Variants in HAND1 observed in about 807,000 individuals in gnomAD.
HAND1 encodes the protein heart- and neural crest derivatives-expressed protein 1.
Under a neutral mutation model 14.5 loss-of-function variants are expected in HAND1, and 10 were observed. The ratio of observed to expected loss-of-function variants is 0.69; its 90% confidence interval spans 0.42 to 1.17. The LOEUF is 1.17. Ranked by LOEUF, HAND1 falls within the 50% of genes most tolerant of loss-of-function variation. The pLI is 0.00. For synonymous variants in HAND1, 128 were observed against 127.1 expected (o/e 1.01, Z -0.05); for missense variants, 299 against 298.4 (o/e 1.00, Z -0.01).
Position 154,477,759 on chromosome 5 carries a change from G to T in HAND1, c.250C>A (p.Arg84=), listed in dbSNP as rs1167066563. 4 of 1,609,594 alleles carry T rather than the reference G, an allele frequency of 2.5e-6. No individual in the cohort carries two copies. The highest frequency in any genetic ancestry group is 1.7e-6 in the Non-Finnish European group (2 of 1,179,112). The stretch of plus-strand genomic sequence containing the variant: ...AGACGGCCGCCAAGCGCCTCCAGCC[G>T]CCCGGGGCTCTGCCCAGGCCTGGCG... ...PDARPGQSPG[R]LEALGGRLGR... Residue 84 remains arginine (R), a synonymous_variant, in exon 1 of 2, where the codon CGG becomes AGG. Transcript: ENST00000231121.
Position 154,475,482 on chromosome 5 carries a change from G to C in HAND1, c.*324C>G, listed in dbSNP as rs879098452. On this transcript the variant is annotated 3_prime_UTR_variant, in exon 2 of 2. Coordinates refer to ENST00000231121, the MANE Select transcript of HAND1 (RefSeq NM_004821.3). ...TGAGGTTCTAAATTCGCTCCAAAAGGGTGGAAGAGTGCGTCTTTGAGCCCT... is the reference window on the plus strand; with the variant it reads ...TGAGGTTCTAAATTCGCTCCAAAAGCGTGGAAGAGTGCGTCTTTGAGCCCT... 1 of 399,772 alleles carries C rather than the reference G, an allele frequency of 2.5e-6. No individual in the cohort carries two copies. The highest frequency in any genetic ancestry group is 2.4e-5 in the South Asian group (1 of 42,216). 24.8% of individuals were successfully genotyped at this position (399,772 alleles called of 1,614,324 possible).
intron 1 of HAND1, among the ~76,000 whole-genome samples, chr5:154,476,211 G>A (rs750517025): frequency 4.6e-5 from 7 of 152,148 alleles, no homozygotes; most frequent in Non-Finnish European, 8.8e-5. Flanking sequence ...GACACCTAAG[G>A]GAGATCCCAG....
In HAND1 at chr5:154,475,845, G is replaced by C. The variant is rs773154099; in HGVS notation, c.609C>G (p.Gly203=). ...CCAGCGCCCAGACTTGCTGCGGCCA[G>C]CCGGTGCGTCCTTTAATCCTCTTCT... ...PVEKRIKGRT[G]WPQQVWALEL... Residue 203 remains glycine, a synonymous_variant, in exon 2 of 2, where the codon GGC becomes GGG. Transcript: ENST00000231121. The C allele has an allele frequency of 6.2e-6, 10 of 1,613,890 alleles. No individual in the cohort carries two copies. The highest frequency in any genetic ancestry group is 1.7e-5 in the Admixed American group (1 of 60,010).
intron 1 of HAND1, 99 bp from the exon 2 acceptor site, chr5:154,476,009 G>A (rs1198092633): frequency 1.2e-6 from 1 of 867,950 alleles, no homozygotes; most frequent in Non-Finnish European, 1.9e-6. Flanking sequence ...GGAGGGGAAG[G>A]TGTCGGGAGC....
chr5:154,476,150 A>G (rs1415909661), intron 1 of HAND1, among the ~76,000 whole-genome samples: 3 of 152,138 alleles, frequency 2.0e-5, no homozygotes, highest in Non-Finnish European at 4.4e-5. Flanking sequence ...AGGTTTGGTA[A>G]GGAAAATGTT....
rs147677474 is a variant in HAND1, at chr5:154,475,888, G to A, written c.566C>T (p.Pro189Leu). Reference protein sequence around the residue: ...RELQQHEGFPPALGPVEKRIK... With the variant: ...RELQQHEGFPLALGPVEKRIK... ...CCTCTTCTCGACTGGGCCCAGGGCA[G>A]GAGGAAAACCTTCGTGCTGCTGCTG... The change falls in exon 2 of 2, where the codon CCT becomes CTT. Residue 189 changes from proline to leucine, a missense_variant. Coordinates refer to ENST00000231121, the MANE Select transcript of HAND1 (RefSeq NM_004821.3). 73 of 1,613,970 alleles carry A rather than the reference G, an allele frequency of 4.5e-5. 1 individual carries two copies. The African/African-American group carries it at 8.9e-4, about 20-fold the overall frequency.
Position 154,478,019 on chromosome 5 carries a change from C to A in HAND1, c.-11G>T. Reference sequence around the variant, plus strand: ...GCCCACGAGGTTCATGTTGGAGCGGCTACTGGCCTGCGCCGCCAGCCCTAT... The same window carrying A: ...GCCCACGAGGTTCATGTTGGAGCGGATACTGGCCTGCGCCGCCAGCCCTAT... On this transcript the variant is annotated 5_prime_UTR_variant, in exon 1 of 2. Coordinates refer to ENST00000231121, the MANE Select transcript of HAND1 (RefSeq NM_004821.3). The surrounding 1 kb of genome is among the most constrained non-coding windows in gnomAD (Gnocchi z 4.5). The A allele has an allele frequency of 6.3e-7, 1 of 1,597,082 alleles. No homozygotes were observed.
At chr5:154,477,356 C>A (rs1446756570) in intron 1 of HAND1, 110 bp downstream of exon 1, 11 of 890,030 alleles carry the variant, frequency 1.2e-5, no homozygotes, top group Non-Finnish European at 1.7e-5. Context: ...TCTTCCCAAC[C>A]TTTCCAAATC....
Position 154,477,990 on chromosome 5 carries a change from A to T in HAND1, c.19T>A (p.Tyr7Asn). Reference protein sequence around the residue: MNLVGSYAHHHHHHHPH... With the variant: MNLVGSNAHHHHHHHPH... ...TGGTGATGGTGGTGATGGTGTGCGT[A>T]GCTGCCCACGAGGTTCATGTTGGAG... Residue 7 changes from tyrosine (Y) to asparagine (N), a missense_variant, in exon 1 of 2, where the codon TAC becomes AAC. Coordinates refer to ENST00000231121, the MANE Select transcript of HAND1 (RefSeq NM_004821.3). 6.3e-7 allele frequency: 1 copy of T among 1,598,024 alleles called. No individual in the cohort carries two copies. The highest frequency in any genetic ancestry group is 8.5e-7 in the Non-Finnish European group (1 of 1,179,868).
rs985784176 is a variant in HAND1 at position 154,475,810 on chromosome 5, T to C, written c.644A>G (p.Gln215Arg). 1.2e-6 allele frequency: 2 copies of C among 1,610,856 alleles called. No individual in the cohort carries two copies. The highest frequency in any genetic ancestry group is 1.3e-5 in the African/African-American group (1 of 74,882). ...PQQVWALELN[Q>R] Reference sequence around the variant, plus strand: ...GTCCTCGGCGCGGGCCTCGGCTCACTGGTTTAACTCCAGCGCCCAGACTTG... The same window carrying C: ...GTCCTCGGCGCGGGCCTCGGCTCACCGGTTTAACTCCAGCGCCCAGACTTG... The change falls in exon 2 of 2, where the codon CAG (glutamine) becomes CGG (arginine). Residue 215 changes from glutamine to arginine, a missense_variant. By Grantham distance (43) the Gln-to-Arg change is conservative. Transcript: ENST00000231121.
At position 154,477,454 on chromosome 5, in the gene HAND1, C is replaced by T. The variant is rs1045460317; in HGVS notation, c.543+12G>A. 2 of 1,609,088 alleles carry T rather than the reference C, an allele frequency of 1.2e-6. No individual in the cohort carries two copies. Among genetic ancestry groups the T allele is most frequent in the Non-Finnish European group, 1.7e-6 (2 of 1,175,584 alleles). On this transcript the variant is annotated intron_variant, in intron 1 of 1. Coordinates refer to ENST00000231121, the MANE Select transcript of HAND1 (RefSeq NM_004821.3). ...GCACCCTTGGCTGGAGCATGCAAGC[C>T]CCAGGACTCACCAGCTCCCTTTTCC...
intron 1 of HAND1, 83 bp downstream of exon 1, chr5:154,477,383 A>T: frequency 9.2e-7 from 1 of 1,087,868 alleles, no homozygotes; most frequent in South Asian, 1.2e-5. Context: ...AGGACAACAC[A>T]GCCTCCTTCG....
At position 154,478,002 on chromosome 5, in the gene HAND1, G is replaced by C. The variant is rs1299508908; in HGVS notation, c.7C>G (p.Leu3Val). MNLVGSYAHHHHH... is the reference protein window; with the variant it reads MNVVGSYAHHHHH... ...TGATGGTGTGCGTAGCTGCCCACGA[G>C]GTTCATGTTGGAGCGGCTACTGGCC... The change falls in exon 1 of 2, where the codon CTC becomes GTC. Residue 3 changes from leucine (L) to valine (V), a missense_variant. By Grantham distance (32) the Leu-to-Val change is conservative. Coordinates refer to ENST00000231121, the MANE Select transcript of HAND1 (RefSeq NM_004821.3). This position sits in a 1 kb window ranked among gnomAD's most constrained non-coding sequence, Gnocchi z 4.5. The C allele has an allele frequency of 7.5e-6, 12 of 1,597,702 alleles. No individual in the cohort carries two copies. The highest frequency in any genetic ancestry group is 9.3e-6 in the Non-Finnish European group (11 of 1,179,882).
intron 1 of HAND1, among the ~76,000 whole-genome samples, chr5:154,476,765 G>T (rs1166383193): frequency 2.0e-5 from 3 of 152,114 alleles, no homozygotes; most frequent in African/African-American, 7.2e-5. Context: ...CAGCCAGACC[G>T]AGTGCCAGGA....
chr5:154,477,867 T>C lies in HAND1; in HGVS notation c.142A>G (p.Ser48Gly), dbSNP rs778513187. The C allele has an allele frequency of 1.9e-6, 3 of 1,601,590 alleles. No homozygotes were observed. The highest frequency in any genetic ancestry group is 2.5e-6 in the Non-Finnish European group (3 of 1,179,732). The change falls in exon 1 of 2, where the codon AGC becomes GGC. Residue 48 changes from serine (S) to glycine (G), a missense_variant. Coordinates refer to ENST00000231121, the MANE Select transcript of HAND1 (RefSeq NM_004821.3). Reference sequence around the variant, plus strand: ...AAGTCCGGGGCAGCGTCAGCCGGGCTCAGCAGCCAGCTCTGGAAGTAGGGC... The same window carrying C: ...AAGTCCGGGGCAGCGTCAGCCGGGCCCAGCAGCCAGCTCTGGAAGTAGGGC... ...ERPYFQSWLL[S>G]PADAAPDFPA...
chr5:154,478,043 A>G lies in HAND1; in HGVS notation c.-35T>C, dbSNP rs376145648. ...GCTACTGGCCTGCGCCGCCAGCCCT[A>G]TTAACGCCGCTCCATGCGCCCCAGA... On this transcript the variant is annotated 5_prime_UTR_variant, in exon 1 of 2. Transcript: ENST00000231121. The surrounding 1 kb of genome is among the most constrained non-coding windows in gnomAD (Gnocchi z 4.5). 1.0e-4 allele frequency: 167 copies of G among 1,596,044 alleles called. 1 individual carries two copies. The African/African-American group carries it at 1.9e-3, about 19-fold the overall frequency.
rs746848071 is a variant in HAND1, at chr5:154,477,805, G to T, written c.204C>A (p.Ala68=). The change falls in exon 1 of 2, where the codon GCC becomes GCA. Residue 68 remains alanine, a synonymous_variant. Transcript: ENST00000231121. ...AGGPPPAAAA[A]ATAYGPDARP... ...TGGCGTCAGGACCATAGGCGGTGGC[G>T]GCTGCAGCGGCCGCGGGCGGCGGCC... 1.3e-6 allele frequency: 2 copies of T among 1,588,110 alleles called. No homozygotes were observed. Among genetic ancestry groups the T allele is most frequent in the Admixed American group, 1.7e-5 (1 of 57,712 alleles).
At chr5:154,476,979 G>A (rs1301209784) in intron 1 of HAND1, among the ~76,000 whole-genome samples, 1 of 152,130 alleles carries the variant, frequency 6.6e-6, no homozygotes, top group Non-Finnish European at 1.5e-5. Flanking sequence ...TCAGATAGGT[G>A]CTTTTCCTGC....
At chr5:154,476,095 A>G (rs1253348939) in intron 1 of HAND1, among the ~76,000 whole-genome samples, 185 bp from the exon 2 acceptor site, 1 of 152,120 alleles carries the variant, frequency 6.6e-6, no homozygotes, top group Non-Finnish European at 1.5e-5. Context: ...ATTTGCCTTT[A>G]TGCGCGGAGT....
Sources: allele counts gnomAD v4.1 joint callset (sites outside exome capture counted in the v4.1 genomes callset), GRCh38; gene constraint gnomAD v4.1.1; non-coding constraint Gnocchi (gnomAD v3.1); transcripts MANE v1.5; gene names NCBI Gene and HGNC (gene_info 2026-07-23, HGNC 2026-07-21).